SLC30A6: variants seen among roughly 807,000 people sequenced by gnomAD.
SLC30A6 encodes solute carrier family 30 member 6.
SLC30A6 carries 55 observed loss-of-function variants against 63.0 expected under a neutral mutation model. That is an observed-to-expected ratio of 0.87 (90% confidence interval 0.70 to 1.09). The LOEUF (loss-of-function observed/expected upper bound fraction) is 1.09, where lower values mean the gene tolerates loss of function less well. Ranked by LOEUF, SLC30A6 falls within the 50% of genes least tolerant of loss-of-function variation. The pLI, the probability that SLC30A6 is intolerant of heterozygous loss-of-function variation, is 0.00. For missense variants in SLC30A6, 587 were observed against 549.2 expected (o/e 1.07, Z -0.69); for synonymous variants, 224 against 186.1 (o/e 1.20, Z -1.66).
chr2:32,179,549 C>G (rs750932985), intron 4 of SLC30A6, among the ~76,000 whole-genome samples: 1 of 152,198 alleles, frequency 6.6e-6, no homozygotes, highest in Non-Finnish European at 1.5e-5. Context: ...ATTTGCATTT[C>G]TAGCAACAGA....
intron 10 of SLC30A6, chr2:32,202,239 A>G: frequency 1.3e-6 from 1 of 775,172 alleles, no homozygotes; most frequent in Non-Finnish European, 2.0e-6. Context: ...GAAAAGATTT[A>G]ATAGCTCAAG....
Position 32,165,883 on chromosome 2 carries a change from G to A in SLC30A6, c.-18G>A, listed in dbSNP as rs367948694. The A allele has an allele frequency of 3.1e-5, 50 of 1,613,954 alleles. No individual in the cohort carries two copies. In the African/African-American group the frequency reaches 4.7e-4, roughly 15 times the overall value. On this transcript the variant is annotated 5_prime_UTR_variant, in exon 1 of 14. Coordinates refer to ENST00000282587, the MANE Select transcript of SLC30A6 (RefSeq NM_017964.5). ...GCACCCAGAACGGCTTCCGGCGGGA[G>A]CTGTGCAGCTCCTTATCATGGTGAG...
Position 32,217,811 on chromosome 2 carries a change from T to A in SLC30A6, c.886-2402T>A, listed in dbSNP as rs999833749. On this transcript the variant is annotated intron_variant, in intron 13 of 13. Coordinates refer to ENST00000282587, the MANE Select transcript of SLC30A6 (RefSeq NM_017964.5). Reference sequence around the variant, plus strand: ...TTAGATGTATTTCTAGGTATTTTATTTCTTTTGTGGATATTGTAAATGGGA... The same window carrying A: ...TTAGATGTATTTCTAGGTATTTTATATCTTTTGTGGATATTGTAAATGGGA... Among the ~76,000 whole-genome samples, 6 of 152,230 alleles carry A rather than the reference T, an allele frequency of 3.9e-5. No individual in the cohort carries two copies. The South Asian group carries it at 1.0e-3, about 26-fold the overall frequency.
At chr2:32,198,666 C>G (rs1372889058) in intron 10 of SLC30A6, among the ~76,000 whole-genome samples, 2 of 152,198 alleles carry the variant, frequency 1.3e-5, no homozygotes, top group Non-Finnish European at 2.9e-5. Flanking sequence ...TCACTGCAAC[C>G]TCCACCTCCC....
chr2:32,174,121 T>C lies in SLC30A6; in HGVS notation c.149T>C (p.Met50Thr), dbSNP rs373830253. The change falls in exon 3 of 14, where the codon ATG becomes ACG. Residue 50 changes from methionine (M) to threonine (T), a missense_variant. Transcript: ENST00000282587. ...INLICTGFLL[M>T]WCSSTNSIAL... ...TTGATATGTACTGGCTTCCTGCTTATGTGGTGCAGTTCTACTAATAGTATA... is the reference window on the plus strand; with the variant it reads ...TTGATATGTACTGGCTTCCTGCTTACGTGGTGCAGTTCTACTAATAGTATA... The C allele has an allele frequency of 1.9e-6, 3 of 1,613,596 alleles. No individual in the cohort carries two copies. The African/African-American group carries it at 4.0e-5, about 22-fold the overall frequency.
chr2:32,172,414 A>G (rs1311521472), intron 2 of SLC30A6, among the ~76,000 whole-genome samples: 1 of 151,180 alleles, frequency 6.6e-6, no homozygotes, highest in Non-Finnish European at 1.5e-5. Flanking sequence ...GAATCTTGCT[A>G]AATTATCCAG....
intron 13 of SLC30A6, among the ~76,000 whole-genome samples, chr2:32,211,165 T>TC (rs1305352023): frequency 6.6e-6 from 1 of 152,244 alleles, no homozygotes; most frequent in East Asian, 1.9e-4. Context: ...GCTCCTCGAC[T>TC]GTACACCATG....
intron 5 of SLC30A6, among the ~76,000 whole-genome samples, chr2:32,191,863 CTT>C (rs1683357118): frequency 6.6e-6 from 1 of 151,744 alleles, no homozygotes; most frequent in African/African-American, 2.4e-5. Context: ...ACCCCCATCT[CTT>C]GAAAAAAAGA....
At chr2:32,188,894 A>G (rs891706894) in intron 5 of SLC30A6, among the ~76,000 whole-genome samples, 1 of 152,280 alleles carries the variant, frequency 6.6e-6, no homozygotes, top group South Asian at 2.1e-4. Flanking sequence ...AACATTGCAT[A>G]TTAGTTTTGC....
chr2:32,202,094 C>T, intron 10 of SLC30A6: 2 of 761,130 alleles, frequency 2.6e-6, no homozygotes, highest in South Asian at 3.3e-5. Context: ...CTAGAGGAGA[C>T]CTTAACACAT....
At chr2:32,188,586 C>T (rs568389378) in intron 5 of SLC30A6, among the ~76,000 whole-genome samples, 21 of 152,064 alleles carry the variant, frequency 1.4e-4, no homozygotes, top group African/African-American at 4.3e-4. Context: ...CCCACCTACT[C>T]ATGAGATCGA....
At chr2:32,205,916 C>A (rs769632820) in intron 11 of SLC30A6, among the ~76,000 whole-genome samples, 1 of 151,732 alleles carries the variant, frequency 6.6e-6, no homozygotes, top group Non-Finnish European at 1.5e-5. Context: ...GAGCCACCCG[C>A]CTTGAACCTC....
intron 13 of SLC30A6, among the ~76,000 whole-genome samples, chr2:32,213,895 C>G (rs1273644037): frequency 6.6e-6 from 1 of 150,508 alleles, no homozygotes; most frequent in Non-Finnish European, 1.5e-5. Flanking sequence ...CCTCCGCCTC[C>G]TGAGTTCAAG....
intron 5 of SLC30A6, among the ~76,000 whole-genome samples, chr2:32,188,599 C>T (rs1683042649): frequency 6.6e-6 from 1 of 152,104 alleles, no homozygotes; most frequent in Non-Finnish European, 1.5e-5. Flanking sequence ...GAGATCGAGG[C>T]AGGAGAATCA....
At position 32,184,348 on chromosome 2, in the gene SLC30A6, A is replaced by G. The variant is rs767354436; in HGVS notation, c.284+10A>G. On this transcript the variant is annotated intron_variant, in intron 5 of 13. Coordinates refer to ENST00000282587, the MANE Select transcript of SLC30A6 (RefSeq NM_017964.5). ...CTGTCTATTCATTTGGGTAAGTTCA[A>G]ATTATTTTATTTTCTGCTAACTTAT... The G allele has an allele frequency of 4.1e-6, 6 of 1,467,866 alleles. No individual in the cohort carries two copies. The highest frequency in any genetic ancestry group is 5.5e-6 in the Non-Finnish European group (6 of 1,089,470). 90.9% of individuals were successfully genotyped at this position (1,467,866 alleles called of 1,614,324 possible). A position where few individuals can be genotyped will look rare whatever the true frequency, so the allele number is the denominator to read the frequency against.
rs1339371875 is a variant in SLC30A6, at chr2:32,197,462, A to T, written c.545+70A>T. ...ACACAAGAAATGCATCTATCATGGGAACTTAAATTATTCGTTGCTGAGGTT... is the reference window on the plus strand; with the variant it reads ...ACACAAGAAATGCATCTATCATGGGTACTTAAATTATTCGTTGCTGAGGTT... On this transcript the variant is annotated intron_variant, in intron 9 of 13. Coordinates refer to ENST00000282587, the MANE Select transcript of SLC30A6 (RefSeq NM_017964.5). 4 of 1,451,464 alleles carry T rather than the reference A, an allele frequency of 2.8e-6. No homozygotes were observed. In the African/African-American group the frequency reaches 5.6e-5, roughly 20 times the overall value. 89.9% of individuals were successfully genotyped at this position (1,451,464 alleles called of 1,614,324 possible).
chr2:32,171,032 G>T (rs1310936792), intron 1 of SLC30A6, among the ~76,000 whole-genome samples: 1 of 152,024 alleles, frequency 6.6e-6, no homozygotes, highest in African/African-American at 2.4e-5. Context: ...AAAAAGCCTG[G>T]GTTTGAATTT....
chr2:32,189,316 G>C (rs550415242), intron 5 of SLC30A6, among the ~76,000 whole-genome samples: 3 of 136,386 alleles, frequency 2.2e-5, no homozygotes, highest in Admixed American at 8.0e-5. Context: ...TTTTGAGGCA[G>C]CATCTCGCTT....
chr2:32,204,699 T>G lies in SLC30A6; in HGVS notation c.768+7T>G, dbSNP rs1684591354. 1 of 1,575,038 alleles carries G rather than the reference T, an allele frequency of 6.3e-7. No individual in the cohort carries two copies. Among genetic ancestry groups the G allele is most frequent in the Non-Finnish European group, 8.7e-7 (1 of 1,150,876 alleles). On this transcript the variant is annotated splice_region_variant and intron_variant, in intron 11 of 13. Transcript: ENST00000282587. ...TGGGAAAGTCTTACTCCAGGTAAGG[T>G]GCTTCTTCCAATGCACGTGCTTAAT...
Sources: gnomAD v4.1 joint callset for allele counts (sites outside exome capture counted in the v4.1 genomes callset) on GRCh38, gnomAD v4.1.1 for gene constraint, MANE v1.5 for transcripts, NCBI Gene and HGNC (gene_info 2026-07-23, HGNC 2026-07-21) for gene names.